SYNPO2: variants seen among roughly 807,000 people sequenced by gnomAD.
The protein encoded by SYNPO2 is synaptopodin-2.
A neutral mutation model predicts 85.0 loss-of-function variants in SYNPO2; 56 were observed. The observed-to-expected ratio is 0.66, with a 90% CI of 0.53 to 0.82. SYNPO2 has a LOEUF of 0.82. Among genes scored for constraint, SYNPO2 ranks in the 40% least tolerant of loss-of-function variants. SYNPO2 has a pLI of 0.00. For missense variants in SYNPO2, 1,575 were observed against 1,534.2 expected (o/e 1.03, Z -0.44); for synonymous variants, 602 against 591.1 (o/e 1.02, Z -0.27).
intron 1 of SYNPO2, among the ~76,000 whole-genome samples, chr4:118,899,474 G>C (rs1732649440): frequency 6.6e-6 from 1 of 151,736 alleles, no homozygotes; most frequent in Admixed American, 6.6e-5. Context: ...GACCCCATGG[G>C]GTACAATGAT....
At chr4:118,978,654 T>C (rs900719025) in intron 1 of SYNPO2, among the ~76,000 whole-genome samples, 1 of 152,206 alleles carries the variant, frequency 6.6e-6, no homozygotes, top group Admixed American at 6.5e-5. Context: ...AAGGTAATGA[T>C]TATCAGTGCC....
At chr4:118,863,796 G>T (rs1212166896) in intron 1 of SYNPO2, among the ~76,000 whole-genome samples, 1 of 152,124 alleles carries the variant, frequency 6.6e-6, no homozygotes, top group Non-Finnish European at 1.5e-5. Context: ...GTTTTTAATA[G>T]AGAAGGGGTT....
intron 1 of SYNPO2, among the ~76,000 whole-genome samples, chr4:118,954,025 T>C (rs1734781487): frequency 6.6e-6 from 1 of 152,206 alleles, no homozygotes; most frequent in South Asian, 2.1e-4. Flanking sequence ...ATATTTAGCA[T>C]ATGTCTGTCT....
At chr4:118,996,811 C>G (rs565988936) in intron 1 of SYNPO2, among the ~76,000 whole-genome samples, 1 of 148,540 alleles carries the variant, frequency 6.7e-6, no homozygotes, top group African/African-American at 2.5e-5. Flanking sequence ...GAGCTGAGAT[C>G]GCGCCACTGC....
chr4:118,898,357 C>T (rs963217846), intron 1 of SYNPO2, among the ~76,000 whole-genome samples: 2 of 152,108 alleles, frequency 1.3e-5, no homozygotes, highest in Non-Finnish European at 2.9e-5. Context: ...TATATTGGCC[C>T]TGTAACTGGT....
At chr4:118,980,128 G>T (rs1366658775) in intron 1 of SYNPO2, among the ~76,000 whole-genome samples, 1 of 152,198 alleles carries the variant, frequency 6.6e-6, no homozygotes, top group Non-Finnish European at 1.5e-5. Context: ...TTAGTTTAAT[G>T]ATGGCTGCTA....
At chr4:118,861,215 C>T (rs111370583) in intron 1 of SYNPO2, among the ~76,000 whole-genome samples, 1 of 152,242 alleles carries the variant, frequency 6.6e-6, no homozygotes, top group South Asian at 2.1e-4. Context: ...GGCTGGAGTG[C>T]GATCTCGACT....
chr4:118,912,687 G>A (rs1733182536), intron 1 of SYNPO2, among the ~76,000 whole-genome samples: 1 of 151,938 alleles, frequency 6.6e-6, no homozygotes, highest in Non-Finnish European at 1.5e-5. Context: ...GCCCTAGCTA[G>A]AACAGTACAT....
intron 1 of SYNPO2, among the ~76,000 whole-genome samples, chr4:118,898,305 C>T (rs966818867): frequency 6.6e-6 from 1 of 152,160 alleles, no homozygotes; most frequent in Non-Finnish European, 1.5e-5. Flanking sequence ...TTCCTGCTCC[C>T]ACCACCTCGG....
At position 118,927,776 on chromosome 4, in the gene SYNPO2, T is replaced by TGATAGATAGATAGATAGATAGATA. The variant is rs70944822; in HGVS notation, c.105+38644_105+38667dup. 4.1e-3 allele frequency among the ~76,000 whole-genome samples: 415 copies of TGATAGATAGATAGATAGATAGATA among 102,454 alleles called. 5 individuals carry two copies. Among genetic ancestry groups the TGATAGATAGATAGATAGATAGATA allele is most frequent in the Middle Eastern group, 0.024 (4 of 170 alleles). 67.2% of individuals were successfully genotyped at this position (102,454 alleles called of 152,430 possible). ...ATAGATAGATATATAGATAGATAGA[T>TGATAGATAGATAGATAGATAGATA]GATAGATAGATAGATAGATAGATAG... On this transcript the variant is annotated intron_variant, in intron 1 of 4. Transcript: ENST00000307142.
intron 1 of SYNPO2, among the ~76,000 whole-genome samples, chr4:118,924,803 T>G (rs1733659270): frequency 6.6e-6 from 1 of 152,196 alleles, no homozygotes; most frequent in Non-Finnish European, 1.5e-5. Flanking sequence ...AGGAAGATTT[T>G]TCTTTAGGCC....
At chr4:118,900,697 CTCTCTCTATATATA>C (rs1445820798) in intron 1 of SYNPO2, among the ~76,000 whole-genome samples, 250 of 37,106 alleles carry the variant, frequency 6.7e-3, no homozygotes, top group South Asian at 0.027. Flanking sequence ...CTCTCTCTCT[CTCTCTCTATATATA>C]TATATATATA....
intron 1 of SYNPO2, among the ~76,000 whole-genome samples, chr4:119,003,341 C>T (rs541578714): frequency 6.6e-6 from 1 of 152,270 alleles, no homozygotes; most frequent in East Asian, 1.9e-4. Flanking sequence ...ATGAGAACAG[C>T]ATGGGGGAAA....
At chr4:118,925,536 T>C (rs551700531) in intron 1 of SYNPO2, among the ~76,000 whole-genome samples, 1 of 152,244 alleles carries the variant, frequency 6.6e-6, no homozygotes, top group East Asian at 1.9e-4. Context: ...TTGTCATTGT[T>C]TCCCCCTTGT....
rs760213731 is a variant in SYNPO2, at chr4:118,878,858, C to T, written c.12+27918C>T. 4.4e-4 allele frequency among the ~76,000 whole-genome samples: 67 copies of T among 152,182 alleles called. 1 individual carries two copies. Among genetic ancestry groups the T allele is most frequent in the Non-Finnish European group, 7.3e-4 (50 of 68,040 alleles). ...TGGCCACCCCAGCCAGCAGAGGCACCCACTCAGGTCCTTTTCTGTCTTGTG... is the reference window on the plus strand; with the variant it reads ...TGGCCACCCCAGCCAGCAGAGGCACTCACTCAGGTCCTTTTCTGTCTTGTG... On this transcript the variant is annotated intron_variant, in intron 1 of 4. Coordinates refer to the SYNPO2 transcript ENST00000610556.
At chr4:118,939,555 T>A (rs1378024280) in intron 1 of SYNPO2, among the ~76,000 whole-genome samples, 4 of 152,200 alleles carry the variant, frequency 2.6e-5, no homozygotes, top group Non-Finnish European at 5.9e-5. Flanking sequence ...AGGCAAGAGA[T>A]TCCGTTTTGT....
intron 1 of SYNPO2, among the ~76,000 whole-genome samples, chr4:118,998,992 A>T (rs955389688): frequency 1.3e-5 from 2 of 152,202 alleles, no homozygotes; most frequent in Non-Finnish European, 2.9e-5. Context: ...TGACCGTGTG[A>T]TCTTGGGCAA....
chr4:118,985,215 A>C (rs1365538133), intron 1 of SYNPO2, among the ~76,000 whole-genome samples: 1 of 152,148 alleles, frequency 6.6e-6, no homozygotes, highest in East Asian at 1.9e-4. Flanking sequence ...TTGTAGAGGC[A>C]GATAATCCTT....
chr4:119,032,146 C>A (rs1738303001), intron 4 of SYNPO2, 119 bp downstream of exon 4: 1 of 1,494,320 alleles, frequency 6.7e-7, no homozygotes, highest in Non-Finnish European at 8.9e-7. Context: ...GCAAAGTCCT[C>A]AACTTACTTA....
Sources: allele counts gnomAD v4.1 joint callset (sites outside exome capture counted in the v4.1 genomes callset), GRCh38; gene constraint gnomAD v4.1.1; transcripts MANE v1.5; gene names NCBI Gene and HGNC (gene_info 2026-07-23, HGNC 2026-07-21).